Variants in MOCOS observed in about 807,000 individuals in gnomAD.
The protein encoded by MOCOS is human molybdenum cofactor sulfurase.
Under a neutral mutation model 83.6 loss-of-function variants are expected in MOCOS, and 86 were observed. That is an observed-to-expected ratio of 1.03 (90% CI 0.86 to 1.23). The LOEUF (loss-of-function observed/expected upper bound fraction) is 1.23. MOCOS is among the 50% of genes most tolerant of loss of function. MOCOS has a pLI of 0.00. For synonymous variants in MOCOS, 445 were observed against 434.7 expected, an observed-to-expected ratio of 1.02 and a Z score of -0.29; for missense variants, 1,120 against 1,126.9, an observed-to-expected ratio of 0.99 and a Z score of 0.09.
intron 9 of MOCOS, among the ~76,000 whole-genome samples, chr18:36,239,546 T>G (rs923868447): frequency 2.7e-5 from 4 of 150,540 alleles, no homozygotes; most frequent in Non-Finnish European, 3.0e-5. Flanking sequence ...AACCCGACCT[T>G]TCTCTCTGGC....
At chr18:36,214,091 A>G (rs1383089101) in intron 7 of MOCOS, among the ~76,000 whole-genome samples, 2 of 151,648 alleles carry the variant, frequency 1.3e-5, no homozygotes, top group Admixed American at 6.6e-5. Context: ...AAAATATAAA[A>G]TTATCCAGGT....
Position 36,271,213 on chromosome 18 carries a change from T to C in MOCOS, c.*2528T>C, listed in dbSNP as rs2091698093. ...CTTATAATTACTGATTTAACATTGA[T>C]CTGTTTTCACTAGACTGTAAGCTCC... On this transcript the variant is annotated 3_prime_UTR_variant, in exon 15 of 15. Coordinates refer to ENST00000261326, the MANE Select transcript of MOCOS (RefSeq NM_017947.4). 6.6e-6 allele frequency: 1 copy of C among 152,196 alleles called. No individual in the cohort carries two copies. The highest frequency in any genetic ancestry group is 2.1e-4 in the South Asian group (1 of 4,826). 9.4% of individuals were successfully genotyped at this position (152,196 alleles called of 1,614,324 possible).
At chr18:36,216,343 T>TA (rs1312616391) in intron 8 of MOCOS, among the ~76,000 whole-genome samples, 1 of 152,212 alleles carries the variant, frequency 6.6e-6, no homozygotes, top group Non-Finnish European at 1.5e-5. Context: ...ATTTTATAGA[T>TA]ATGGAGCCTG....
intron 9 of MOCOS, among the ~76,000 whole-genome samples, chr18:36,243,219 A>G (rs2091590597): frequency 6.6e-6 from 1 of 152,200 alleles, no homozygotes; most frequent in African/African-American, 2.4e-5. Flanking sequence ...TCATTGGCAA[A>G]CAGGGACAGT....
chr18:36,261,683 C>T (rs1302852065), intron 13 of MOCOS, among the ~76,000 whole-genome samples: 1 of 152,180 alleles, frequency 6.6e-6, no homozygotes, highest in East Asian at 1.9e-4. Flanking sequence ...AGTGGCTCCC[C>T]CTTGACAAGC....
At position 36,189,386 on chromosome 18, in the gene MOCOS, C is replaced by T. The variant is rs147541041; in HGVS notation, c.142+1705C>T. On this transcript the variant is annotated intron_variant, in intron 1 of 14. Coordinates refer to ENST00000261326, the MANE Select transcript of MOCOS (RefSeq NM_017947.4). The stretch of plus-strand genomic sequence containing the variant: ...AGACATTTGTGCACTAATCTGACGC[C>T]CCTCCCACTGCTGGGAGTCTTGGAA... 1.8e-3 allele frequency among the ~76,000 whole-genome samples: 267 copies of T among 152,276 alleles called. 2 individuals carry two copies. The highest frequency in any genetic ancestry group is 6.8e-3 in the Middle Eastern group (2 of 294).
At chr18:36,188,143 G>A (rs2091349426) in intron 1 of MOCOS, among the ~76,000 whole-genome samples, 1 of 152,182 alleles carries the variant, frequency 6.6e-6, no homozygotes, top group African/African-American at 2.4e-5. Context: ...GTTGGGACCG[G>A]GAGGCCAAGG....
At chr18:36,224,533 T>C (rs1378816750) in intron 9 of MOCOS, among the ~76,000 whole-genome samples, 1 of 152,232 alleles carries the variant, frequency 6.6e-6, no homozygotes, top group Non-Finnish European at 1.5e-5. Flanking sequence ...TCTGTGTCCA[T>C]TGAGATGAAT....
intron 6 of MOCOS, 97 bp downstream of exon 6, chr18:36,205,373 GC>G: frequency 8.0e-7 from 1 of 1,248,230 alleles, no homozygotes; most frequent in Non-Finnish European, 1.2e-6. Flanking sequence ...TGTTGAAGAG[GC>G]CACCAGGCCC....
chr18:36,207,625 G>T (rs1001328866), intron 6 of MOCOS, among the ~76,000 whole-genome samples: 5 of 151,986 alleles, frequency 3.3e-5, no homozygotes, highest in African/African-American at 9.7e-5. Flanking sequence ...CATGTTCTTT[G>T]CCCATTTTTA....
intron 6 of MOCOS, 49 bp from the exon 7 acceptor site, chr18:36,213,316 TA>T: frequency 7.0e-7 from 1 of 1,424,552 alleles, no homozygotes; most frequent in Non-Finnish European, 9.9e-7. Flanking sequence ...TCTCTCAGAG[TA>T]AAACTGCACG....
rs529762901 is a variant in MOCOS at position 36,258,423 on chromosome 18, A to G, written c.2270+1350A>G. Among the ~76,000 whole-genome samples, 7 of 152,304 alleles carry G rather than the reference A, an allele frequency of 4.6e-5. No individual in the cohort carries two copies. The South Asian group carries it at 6.2e-4, about 14-fold the overall frequency. On this transcript the variant is annotated intron_variant, in intron 12 of 14. Transcript: ENST00000261326. ...TAACCCAGAGAGTTGATCCAGAATCAAAGGATTTGAGGACTGGAAAAGTGC... is the reference window on the plus strand; with the variant it reads ...TAACCCAGAGAGTTGATCCAGAATCGAAGGATTTGAGGACTGGAAAAGTGC...
intron 6 of MOCOS, among the ~76,000 whole-genome samples, chr18:36,210,325 C>A (rs1424160040): frequency 1.3e-5 from 2 of 152,106 alleles, no homozygotes; most frequent in African/African-American, 2.4e-5. Context: ...GTGTTCAGGG[C>A]AGACACTGTA....
intron 13 of MOCOS, among the ~76,000 whole-genome samples, chr18:36,262,594 G>A (rs1472834172): frequency 6.6e-6 from 1 of 152,092 alleles, no homozygotes; most frequent in African/African-American, 2.4e-5. Flanking sequence ...TGCCTCTCAG[G>A]TTCAAGCAAT....
chr18:36,213,504 CCAGACGCTGGT>C, intron 7 of MOCOS, 22 bp downstream of exon 7: 1 of 1,594,358 alleles, frequency 6.3e-7, no homozygotes, highest in Non-Finnish European at 8.6e-7. Flanking sequence ...GCTCTGCGAT[CCAGACGCTGGT>C]CAGCGAGACC....
Position 36,266,847 on chromosome 18 carries a change from A to G in MOCOS, c.2508A>G (p.Glu836=). The G allele has an allele frequency of 3.1e-6, 5 of 1,613,654 alleles. No individual in the cohort carries two copies. Among genetic ancestry groups the G allele is most frequent in the Non-Finnish European group, 4.2e-6 (5 of 1,179,650 alleles). Residue 836 remains glutamate, a synonymous_variant, in exon 14 of 15, where the codon GAA becomes GAG. Transcript: ENST00000261326. ...HVFQKLSESR[E]TKVNFGMYLM... ...TCCAAAAACTTTCTGAGAGTCGTGA[A>G]ACAAAGGTAAGCGTGATTGCAAAAT...
chr18:36,269,065 G>A lies in MOCOS; in HGVS notation c.*380G>A. 1 of 280,468 alleles carries A rather than the reference G, an allele frequency of 3.6e-6. No individual in the cohort carries two copies. The highest frequency in any genetic ancestry group is 6.9e-6 in the Non-Finnish European group (1 of 145,434). 17.4% of individuals were successfully genotyped at this position (280,468 alleles called of 1,614,324 possible). On this transcript the variant is annotated 3_prime_UTR_variant, in exon 15 of 15. Transcript: ENST00000261326. ...TACTTTGTTTTTAGAGAGCATCTTT[G>A]GATCTCTCCAACCCGTTTGTAGTGA...
chr18:36,232,535 A>G (rs2091542205), intron 9 of MOCOS, among the ~76,000 whole-genome samples: 1 of 152,118 alleles, frequency 6.6e-6, no homozygotes, highest in Non-Finnish European at 1.5e-5. Flanking sequence ...AATATTTAAT[A>G]AATTATTGTT....
intron 13 of MOCOS, among the ~76,000 whole-genome samples, chr18:36,262,643 C>T (rs1274384245): frequency 1.3e-5 from 2 of 152,070 alleles, no homozygotes; most frequent in Non-Finnish European, 2.9e-5. Flanking sequence ...GGACTACAGG[C>T]GTGCACCACC....
Sources: gnomAD v4.1 joint callset for allele counts (sites outside exome capture counted in the v4.1 genomes callset) on GRCh38, gnomAD v4.1.1 for gene constraint, MANE v1.5 for transcripts, NCBI Gene and HGNC (gene_info 2026-07-23, HGNC 2026-07-21) for gene names.